The following NRXN1 variants were observed in gnomAD, a reference collection of about 807,000 sequenced individuals.
The protein encoded by NRXN1 is neurexin 1.
A neutral mutation model predicts 150.9 loss-of-function variants in NRXN1; 39 were observed. That is an observed-to-expected ratio of 0.26 (90% CI 0.20 to 0.34). NRXN1 has a LOEUF of 0.34. Ranked by LOEUF, NRXN1 falls within the 10% of genes least tolerant of loss-of-function variation. The probability of loss-of-function intolerance (pLI) is 1.00; values close to 1 mark genes in which losing one functional copy is unlikely to be tolerated. For synonymous variants in NRXN1, 924 were observed against 757.0 expected (o/e 1.22, Z -3.62); for missense variants, 1,815 against 1,949.9 (o/e 0.93, Z 1.30).
At chr2:50,751,630 C>T (rs182491723) in intron 5 of NRXN1, among the ~76,000 whole-genome samples, 22 of 152,024 alleles carry the variant, frequency 1.4e-4, no homozygotes, top group Admixed American at 9.2e-4. Flanking sequence ...GCTCCTGGGG[C>T]GTGCAAGACT....
chr2:50,875,687 A>T (rs2106121950), intron 5 of NRXN1, among the ~76,000 whole-genome samples: 1 of 151,942 alleles, frequency 6.6e-6, no homozygotes, highest in South Asian at 2.1e-4. Flanking sequence ...AGAGGTAAGC[A>T]GAGACCAACA....
intron 2 of NRXN1, among the ~76,000 whole-genome samples, chr2:50,929,194 T>A (rs941606707): frequency 6.6e-6 from 1 of 152,074 alleles, no homozygotes; most frequent in African/African-American, 2.4e-5. Context: ...ATCATTCCAG[T>A]GTTCTTTGCA....
chr2:50,012,872 A>G lies in NRXN1; in HGVS notation c.4128+40399T>C, dbSNP rs7592896. The stretch of plus-strand genomic sequence containing the variant: ...TATTAATAGTTAACCCATGGAATGG[A>G]ATGGATTGCACTCCTGAAGTATTAC... On this transcript the variant is annotated intron_variant, in intron 21 of 22. Coordinates refer to ENST00000401669, the MANE Select transcript of NRXN1 (RefSeq NM_001330078.2). Among the ~76,000 whole-genome samples the G allele has an allele frequency of 1.3e-3, 202 of 152,224 alleles. 1 individual carries two copies. The highest frequency in any genetic ancestry group is 3.7e-3 in the Admixed American group (57 of 15,278).
intron 17 of NRXN1, among the ~76,000 whole-genome samples, chr2:50,242,912 C>T (rs918048346): frequency 2.0e-4 from 31 of 151,602 alleles, no homozygotes; most frequent in African/African-American, 7.5e-4. Flanking sequence ...TGACATGTCA[C>T]AGAAATGGTT....
At chr2:50,609,862 T>C (rs1391408709) in intron 8 of NRXN1, among the ~76,000 whole-genome samples, 4 of 152,242 alleles carry the variant, frequency 2.6e-5, no homozygotes, top group South Asian at 2.1e-4. Flanking sequence ...ACATAGTCCA[T>C]TGTCATGTAC....
intron 17 of NRXN1, among the ~76,000 whole-genome samples, chr2:50,333,853 G>A (rs1271382753): frequency 6.6e-6 from 1 of 151,966 alleles, no homozygotes; most frequent in Non-Finnish European, 1.5e-5. Context: ...CCACATTTTG[G>A]TAATAACCTA....
intron 5 of NRXN1, among the ~76,000 whole-genome samples, chr2:50,908,362 T>C (rs78003611): frequency 8.1e-5 from 12 of 148,222 alleles, no homozygotes; most frequent in Non-Finnish European, 1.5e-4. Context: ...CATTCACACA[T>C]ACACACACAC....
intron 21 of NRXN1, among the ~76,000 whole-genome samples, chr2:49,946,303 T>C (rs181789448): frequency 4.6e-5 from 7 of 152,232 alleles, no homozygotes; most frequent in Non-Finnish European, 1.0e-4. Flanking sequence ...GTCAGACAGA[T>C]AGATTGCAAA....
chr2:50,965,159 C>T (rs1030550507), intron 2 of NRXN1, among the ~76,000 whole-genome samples: 2 of 151,160 alleles, frequency 1.3e-5, no homozygotes, highest in African/African-American at 2.4e-5. Context: ...TATATACACA[C>T]ATATGTATAT....
chr2:50,619,271 A>G (rs1252415339), intron 8 of NRXN1: 1 of 152,158 alleles, frequency 6.6e-6, no homozygotes, highest in African/African-American at 2.4e-5. Flanking sequence ...CAGTAGCCCA[A>G]AGAAATTGGA....
intron 17 of NRXN1, among the ~76,000 whole-genome samples, chr2:50,455,882 T>C (rs774443784): frequency 6.6e-6 from 1 of 152,146 alleles, no homozygotes; most frequent in African/African-American, 2.4e-5. Context: ...TGCAAGCAAA[T>C]TCAACAGCCT....
chr2:50,239,252 T>G (rs2065762492), intron 17 of NRXN1, among the ~76,000 whole-genome samples: 1 of 151,856 alleles, frequency 6.6e-6, no homozygotes, highest in Non-Finnish European at 1.5e-5. Context: ...AAAAGGAGGA[T>G]GTAGTGGTTA....
Position 50,307,484 on chromosome 2 carries a change from C to T in NRXN1, c.3365-70514G>A, listed in dbSNP as rs72874468. ...TGATGACAGGCTGTAAATGGCATTA[C>T]TCTTGGTCATCTGAGTAGAATGCAG... On this transcript the variant is annotated intron_variant, in intron 17 of 22. Coordinates refer to ENST00000401669, the MANE Select transcript of NRXN1 (RefSeq NM_001330078.2). Among the ~76,000 whole-genome samples the T allele has an allele frequency of 1.3e-3, 195 of 152,256 alleles. 1 individual carries two copies. Among genetic ancestry groups the T allele is most frequent in the African/African-American group, 4.2e-3 (173 of 41,540 alleles).
chr2:50,089,270 C>A (rs1024670945), intron 19 of NRXN1, among the ~76,000 whole-genome samples: 4 of 152,170 alleles, frequency 2.6e-5, no homozygotes, highest in African/African-American at 4.8e-5. Flanking sequence ...AAATGCCACA[C>A]TGCAATAGTA....
intron 18 of NRXN1, among the ~76,000 whole-genome samples, chr2:50,166,389 C>G (rs1339579359): frequency 6.6e-6 from 1 of 150,376 alleles, no homozygotes; most frequent in Non-Finnish European, 1.5e-5. Context: ...TGACAACCAG[C>G]AAGAAACTGG....
chr2:50,571,937 G>T (rs1192736610), intron 8 of NRXN1, among the ~76,000 whole-genome samples: 2 of 152,156 alleles, frequency 1.3e-5, no homozygotes, highest in Admixed American at 1.3e-4. Context: ...CCACATTCAT[G>T]GGGAACTCTG....
intron 5 of NRXN1, among the ~76,000 whole-genome samples, chr2:50,872,600 A>T (rs1229798719): frequency 1.3e-5 from 2 of 151,630 alleles, no homozygotes; most frequent in Non-Finnish European, 2.9e-5. Context: ...GCTCAAGAAA[A>T]TAAGAATAAA....
intron 2 of NRXN1, among the ~76,000 whole-genome samples, chr2:50,935,069 A>G (rs1051901845): frequency 6.6e-6 from 1 of 152,172 alleles, no homozygotes; most frequent in Admixed American, 6.6e-5. Flanking sequence ...ACTGTCTTTA[A>G]GTCTATGACC....
chr2:50,635,683 C>T (rs911856160), intron 5 of NRXN1, among the ~76,000 whole-genome samples: 3 of 152,126 alleles, frequency 2.0e-5, no homozygotes. Flanking sequence ...AAAAAGCTAA[C>T]CTCTTCATTA....
Sources: gnomAD v4.1 joint callset for allele counts (sites outside exome capture counted in the v4.1 genomes callset) on GRCh38, gnomAD v4.1.1 for gene constraint, MANE v1.5 for transcripts, NCBI Gene and HGNC (gene_info 2026-07-23, HGNC 2026-07-21) for gene names.